BMPR1B: variants seen among roughly 807,000 people sequenced by gnomAD.
BMPR1B encodes bone morphogenetic protein receptor type-1B.
A neutral mutation model predicts 59.1 loss-of-function variants in BMPR1B; 12 were observed. That is an observed-to-expected ratio of 0.20 (90% CI 0.13 to 0.33). The LOEUF (loss-of-function observed/expected upper bound fraction) is 0.33, where lower values mean the gene tolerates loss of function less well. BMPR1B is among the 10% of genes least tolerant of loss of function. BMPR1B has a pLI of 1.00. For synonymous variants in BMPR1B, 237 were observed against 207.3 expected (o/e 1.14, Z -1.23); for missense variants, 550 against 610.9 (o/e 0.90, Z 1.05).
intron 1 of BMPR1B, among the ~76,000 whole-genome samples, chr4:94,851,435 A>G (rs928466849): frequency 3.3e-5 from 5 of 152,176 alleles, no homozygotes; most frequent in Admixed American, 6.5e-5. Context: ...AAGTAGACAC[A>G]TGTATCTTAG....
chr4:94,944,996 T>G (rs1024002165), intron 2 of BMPR1B, among the ~76,000 whole-genome samples: 1 of 152,174 alleles, frequency 6.6e-6, no homozygotes, highest in Non-Finnish European at 1.5e-5. Flanking sequence ...GGCAGCTTGA[T>G]TCTTAACAAA....
chr4:95,127,193 G>C (rs957600752), intron 8 of BMPR1B, among the ~76,000 whole-genome samples: 1 of 152,060 alleles, frequency 6.6e-6, no homozygotes, highest in Admixed American at 6.6e-5. Context: ...TATAGTCATT[G>C]TATCTTACAG....
intron 2 of BMPR1B, among the ~76,000 whole-genome samples, chr4:94,958,654 C>T (rs557217263): frequency 6.6e-6 from 1 of 152,284 alleles, no homozygotes; most frequent in South Asian, 2.1e-4. Flanking sequence ...CTGTCATATT[C>T]TGAGACTTCA....
At chr4:95,040,817 A>G (rs1725601375) in intron 3 of BMPR1B, among the ~76,000 whole-genome samples, 1 of 152,214 alleles carries the variant, frequency 6.6e-6, no homozygotes, top group Non-Finnish European at 1.5e-5. Context: ...TGGTGTGAAG[A>G]AAACAGCTTG....
chr4:94,796,198 C>T (rs13146661), intron 1 of BMPR1B, among the ~76,000 whole-genome samples: 47,766 of 152,052 alleles, frequency 0.31, 8,098 homozygotes, highest in African/African-American at 0.44. Flanking sequence ...CTCCTGACCT[C>T]AAGTGATCTG....
chr4:94,851,560 G>A (rs1393190599), intron 1 of BMPR1B, among the ~76,000 whole-genome samples: 1 of 151,912 alleles, frequency 6.6e-6, no homozygotes, highest in Non-Finnish European at 1.5e-5. Context: ...TTTACTTTTA[G>A]TCTATAATAA....
At chr4:94,861,800 C>T (rs530577411) in intron 1 of BMPR1B, among the ~76,000 whole-genome samples, 1 of 152,070 alleles carries the variant, frequency 6.6e-6, no homozygotes, top group Non-Finnish European at 1.5e-5. Flanking sequence ...TGATATAGGT[C>T]AGAGTAGATT....
At chr4:95,120,453 T>G (rs898519579) in intron 6 of BMPR1B, among the ~76,000 whole-genome samples, 1 of 152,128 alleles carries the variant, frequency 6.6e-6, no homozygotes. Context: ...AAGGCATCCT[T>G]ATGAAAAGAA....
At position 94,908,316 on chromosome 4, in the gene BMPR1B, C is replaced by T. The variant is rs183276950; in HGVS notation, c.-113+32416C>T. 1.9e-3 allele frequency among the ~76,000 whole-genome samples: 289 copies of T among 150,756 alleles called. 3 individuals are homozygous for T. The highest frequency in any genetic ancestry group is 0.018 in the Admixed American group (278 of 15,162). ...TGTATGTGTCTGATATTTTATACAT[C>T]ACATTTGAAATTGTTTTTTTTTTGG... On this transcript the variant is annotated intron_variant, in intron 2 of 12. Transcript: ENST00000515059.
chr4:95,018,620 G>C (rs1235057440), intron 3 of BMPR1B, among the ~76,000 whole-genome samples: 1 of 152,124 alleles, frequency 6.6e-6, no homozygotes, highest in Non-Finnish European at 1.5e-5. Context: ...AATACTGAGT[G>C]TCCACTTGTT....
At chr4:94,817,596 CTGT>C (rs1348274851) in intron 1 of BMPR1B, among the ~76,000 whole-genome samples, 40 of 151,878 alleles carry the variant, frequency 2.6e-4, no homozygotes, top group African/African-American at 8.9e-4. Flanking sequence ...CCATATGCTT[CTGT>C]TGTTCTATTG....
chr4:95,059,017 A>G (rs570411800), intron 3 of BMPR1B, among the ~76,000 whole-genome samples: 58 of 152,318 alleles, frequency 3.8e-4, no homozygotes, highest in Middle Eastern at 6.8e-3. Context: ...TAAAAAAGTT[A>G]ATGTTGTAAG....
At chr4:94,813,152 C>CACATGGAG (rs1395176219) in intron 1 of BMPR1B, among the ~76,000 whole-genome samples, 1 of 151,728 alleles carries the variant, frequency 6.6e-6, no homozygotes, top group Non-Finnish European at 1.5e-5. Flanking sequence ...AACCACTGGC[C>CACATGGAG]ACATGGAGTT....
chr4:94,951,403 G>A (rs11728610), intron 2 of BMPR1B, among the ~76,000 whole-genome samples: 37,443 of 151,994 alleles, frequency 0.25, 4,613 homozygotes, highest in South Asian at 0.36. Flanking sequence ...GATATTGGCT[G>A]TGAGGTTGTC....
chr4:95,016,205 T>G (rs570665774), intron 3 of BMPR1B, among the ~76,000 whole-genome samples: 4 of 152,348 alleles, frequency 2.6e-5, no homozygotes, highest in African/African-American at 7.2e-5. Context: ...TGAGAGCGTC[T>G]AAATATTTAA....
At chr4:94,938,162 TCTC>T (rs1374313997) in intron 2 of BMPR1B, among the ~76,000 whole-genome samples, 1 of 152,174 alleles carries the variant, frequency 6.6e-6, no homozygotes, top group East Asian at 1.9e-4. Context: ...TAGCTAGTCA[TCTC>T]CTCTCCACTC....
intron 1 of BMPR1B, among the ~76,000 whole-genome samples, chr4:94,861,145 G>C (rs1165585806): frequency 2.0e-5 from 3 of 152,160 alleles, no homozygotes; most frequent in Admixed American, 6.6e-5. Flanking sequence ...AAAGGATGCT[G>C]CTGCTAAGGT....
chr4:94,939,557 A>G (rs2149042523), intron 2 of BMPR1B, among the ~76,000 whole-genome samples: 1 of 152,248 alleles, frequency 6.6e-6, no homozygotes, highest in Non-Finnish European at 1.5e-5. Flanking sequence ...TGTAAAATTT[A>G]TAAACTTTGC....
chr4:94,896,068 T>G (rs537760138), intron 2 of BMPR1B, among the ~76,000 whole-genome samples: 1 of 152,028 alleles, frequency 6.6e-6, no homozygotes, highest in Non-Finnish European at 1.5e-5. Context: ...TTCTACAGAT[T>G]TATTTTTCGT....
Sources: gnomAD v4.1 joint callset for allele counts (sites outside exome capture counted in the v4.1 genomes callset) on GRCh38, gnomAD v4.1.1 for gene constraint, MANE v1.5 for transcripts, NCBI Gene and HGNC (gene_info 2026-07-23, HGNC 2026-07-21) for gene names.